Variants in LIME1 observed in about 807,000 individuals in gnomAD.
The protein encoded by LIME1 is Lck interacting transmembrane adaptor 1.
LIME1 carries 23 observed loss-of-function variants against 18.8 expected under a neutral mutation model. The observed-to-expected ratio is 1.22, with a 90% CI of 0.88 to 1.73. The LOEUF is 1.73. Among genes scored for constraint, LIME1 ranks in the 40% most tolerant of loss-of-function variants. LIME1 has a pLI of 0.00. For missense variants in LIME1, 423 were observed against 396.8 expected (o/e 1.07, Z -0.56); for synonymous variants, 177 against 182.3 (o/e 0.97, Z 0.23).
chr20:63,735,815 C>G (rs767197865), upstream of LIME1: 5 of 1,611,236 alleles, frequency 3.1e-6, no homozygotes, highest in South Asian at 5.5e-5. Flanking sequence ...GCAGGAGAAG[C>G]TGGCAGGAGC....
At chr20:63,735,800 C>T (rs773725976), upstream of LIME1, 2 of 1,609,222 alleles carry the variant, frequency 1.2e-6, no homozygotes, top group Non-Finnish European at 1.7e-6. Context: ...GGCGTCAGCC[C>T]AGCTGCAGGA....
intron 1 of LIME1, 191 bp from the exon 2 acceptor site, chr20:63,737,342 C>T (rs2092002021): frequency 1.5e-6 from 2 of 1,323,440 alleles, no homozygotes; most frequent in Non-Finnish European, 9.6e-7. Flanking sequence ...TTCACCTCAC[C>T]GGGAGCCCCC....
chr20:63,737,632 G>A lies in LIME1; in HGVS notation c.83G>A (p.Cys28Tyr), dbSNP rs1182347204. Reference sequence around the variant, plus strand: ...CTGCTCCTCTCGCTGTGGGCGCTGTGCACAGCCTGCCGCAGGTAGGTCCCT... The same window carrying A: ...CTGCTCCTCTCGCTGTGGGCGCTGTACACAGCCTGCCGCAGGTAGGTCCCT... ...CALLLSLWAL[C>Y]TACRRPEDAV... is the part of the protein sequence containing the mutation. The change falls in exon 2 of 6, where the codon TGC (cysteine) becomes TAC (tyrosine). Residue 28 changes from cysteine (C) to tyrosine (Y), a missense_variant. Cys to Tyr is a radical substitution (Grantham distance 194). Coordinates refer to ENST00000309546, the MANE Select transcript of LIME1 (RefSeq NM_017806.4). 3.1e-6 allele frequency: 5 copies of A among 1,593,734 alleles called. No individual in the cohort carries two copies. Among genetic ancestry groups the A allele is most frequent in the Admixed American group, 3.5e-5 (2 of 57,514 alleles).
rs1404491241 is a variant in LIME1, at chr20:63,737,143, G to C, written c.-17-390G>C. 3.0e-6 allele frequency: 3 copies of C among 1,002,866 alleles called. No individual in the cohort carries two copies. The African/African-American group carries it at 5.2e-5, about 17-fold the overall frequency. 62.1% of individuals were successfully genotyped at this position (1,002,866 alleles called of 1,614,324 possible). The stretch of plus-strand genomic sequence containing the variant: ...CTTGGGGGCACTACCTGACACAGGA[G>C]ACCATGTCTGGGCAGAGGGTGGCTG... On this transcript the variant is annotated intron_variant, in intron 1 of 5. Coordinates refer to ENST00000309546, the MANE Select transcript of LIME1 (RefSeq NM_017806.4).
Position 63,738,026 on chromosome 20 carries a change from G to A in LIME1, c.234G>A (p.Leu78=), listed in dbSNP as rs976046885. 1.3e-6 allele frequency: 2 copies of A among 1,562,142 alleles called. No individual in the cohort carries two copies. Residue 78 remains leucine (L), a synonymous_variant, in exon 4 of 6, where the codon CTG becomes CTA. Transcript: ENST00000309546. Reference sequence around the variant, plus strand: ...CCCTCAGCAAGTCGGACACCAGACTGCACGAGCTGCACCGGGGCCCGCGCA... The same window carrying A: ...CCCTCAGCAAGTCGGACACCAGACTACACGAGCTGCACCGGGGCCCGCGCA... The part of the protein sequence containing the change: ...LCSLSKSDTR[L]HELHRGPRSS...
At chr20:63,737,770 TG>T in intron 2 of LIME1, 50 bp from the exon 3 acceptor site, 1 of 1,423,904 alleles carries the variant, frequency 7.0e-7, no homozygotes, top group Admixed American at 2.6e-5. Flanking sequence ...CACCGGGCCT[TG>T]GACCCGAGGC....
intron 1 of LIME1, chr20:63,737,306 G>A: frequency 9.5e-6 from 12 of 1,262,114 alleles, no homozygotes; most frequent in Non-Finnish European, 8.0e-6. Context: ...GCAGGGACAC[G>A]GAGGGGCCAG....
upstream of LIME1, chr20:63,735,924 C>T (rs2145710932): frequency 1.9e-6 from 3 of 1,608,896 alleles, no homozygotes; most frequent in East Asian, 2.2e-5. Context: ...TTCTAGAGAC[C>T]CCACAAGCAC....
At chr20:63,736,836 A>G (rs1308618022) in intron 1 of LIME1, 124 bp downstream of exon 1, 4 of 986,368 alleles carry the variant, frequency 4.1e-6, no homozygotes, top group Admixed American at 6.1e-5. Context: ...AACTCCAGAG[A>G]CCACCCCTCA....
rs771780099 is a variant in LIME1 at position 63,738,601 on chromosome 20, G to C, written c.589G>C (p.Asp197His). Residue 197 changes from aspartate (D) to histidine (H), a missense_variant, in exon 6 of 6, where the codon GAC (aspartate) becomes CAC (histidine). By Grantham distance (81) the Asp-to-His change is moderately conservative. Transcript: ENST00000309546. ...KTEVTPAAQVDVLYSRVCKPK... is the reference protein window; with the variant it reads ...KTEVTPAAQVHVLYSRVCKPK... Reference sequence around the variant, plus strand: ...CGGGTTGGCTTCCTGTCTCCAGGTGGACGTCCTGTACTCCAGGGTCTGCAA... The same window carrying C: ...CGGGTTGGCTTCCTGTCTCCAGGTGCACGTCCTGTACTCCAGGGTCTGCAA... The C allele has an allele frequency of 2.6e-6, 4 of 1,549,118 alleles. No homozygotes were observed. The highest frequency in any genetic ancestry group is 2.7e-5 in the African/African-American group (2 of 72,928).
chr20:63,736,610 G>T (rs1449224301), upstream of LIME1: 2 of 986,756 alleles, frequency 2.0e-6, no homozygotes, highest in Non-Finnish European at 2.4e-6. Flanking sequence ...GGCGCTTGGC[G>T]ACAGGAGCAG....
upstream of LIME1, chr20:63,735,860 G>T (rs946269173): frequency 7.4e-6 from 12 of 1,612,782 alleles, no homozygotes; most frequent in African/African-American, 1.3e-4. Flanking sequence ...GGCTCAGGAA[G>T]CCGGCCTGCA....
chr20:63,735,844 G>A (rs2091984710), upstream of LIME1: 5 of 1,612,576 alleles, frequency 3.1e-6, no homozygotes, highest in Non-Finnish European at 4.2e-6. Flanking sequence ...AGCTGGGGCA[G>A]CTCCGGGCTC....
rs2092022821 is a variant in LIME1, at chr20:63,738,621, C to G, written c.609C>G (p.Val203=). The change falls in exon 6 of 6, where the codon GTC becomes GTG. Residue 203 remains valine, a synonymous_variant. Coordinates refer to ENST00000309546, the MANE Select transcript of LIME1 (RefSeq NM_017806.4). ...AAQVDVLYSR[V]CKPKRRDPGP... is the part of the protein sequence containing the mutation. ...AGGTGGACGTCCTGTACTCCAGGGT[C>G]TGCAAGCCTAAAAGGAGGGACCCAG... 1 of 1,579,992 alleles carries G rather than the reference C, an allele frequency of 6.3e-7. No individual in the cohort carries two copies. Among genetic ancestry groups the G allele is most frequent in the Admixed American group, 1.8e-5 (1 of 54,470 alleles).
chr20:63,738,810 G>GA lies in LIME1; in HGVS notation c.799dup (p.Ser267LysfsTer42), dbSNP rs2092024323. On this transcript the variant is annotated frameshift_variant, in exon 6 of 6. Transcript: ENST00000309546. LOFTEE classifies it low-confidence loss of function (END_TRUNC). ...GGGAGCTGGGGGACCCTGCTGGCAG[G>GA]AGCAGCACGTGCGGGGCTGGGACGC... The GA allele has an allele frequency of 7.4e-6, 12 of 1,612,408 alleles. No individual in the cohort carries two copies. Among genetic ancestry groups the GA allele is most frequent in the African/African-American group, 2.7e-5 (2 of 74,944 alleles).
chr20:63,736,869 G>T (rs1489994557), intron 1 of LIME1, 157 bp downstream of exon 1: 1 of 986,790 alleles, frequency 1.0e-6, no homozygotes. Context: ...TGTCTCTGCT[G>T]CTGGACTGTG....
upstream of LIME1, chr20:63,736,013 C>A (rs1005235630): frequency 2.0e-6 from 3 of 1,529,002 alleles, no homozygotes; most frequent in Non-Finnish European, 1.8e-6. Flanking sequence ...GGCCTGCTGG[C>A]CTGGGGCGTG....
rs1452414640 is a variant in LIME1 at position 63,736,700 on chromosome 20, G to A, written c.-30G>A. ...GCCCCAGACAGAGCTGAGGACCCCT[G>A]GCCGTGGGCTTGGTAAGTGCCCTCC... On this transcript the variant is annotated 5_prime_UTR_variant, in exon 1 of 6. Transcript: ENST00000309546. 3.0e-6 allele frequency: 3 copies of A among 985,682 alleles called. No individual in the cohort carries two copies. Among genetic ancestry groups the A allele is most frequent in the Non-Finnish European group, 3.6e-6 (3 of 830,110 alleles). 61.1% of individuals were successfully genotyped at this position (985,682 alleles called of 1,614,324 possible).
upstream of LIME1, chr20:63,736,522 A>G (rs2091991745): frequency 1.4e-6 from 1 of 700,120 alleles, no homozygotes; most frequent in Admixed American, 6.2e-5. Flanking sequence ...CACACGTTTC[A>G]TCTAGGCTTC....
Sources: allele counts gnomAD v4.1 joint callset, GRCh38; gene constraint gnomAD v4.1.1; transcripts MANE v1.5; gene names NCBI Gene and HGNC (gene_info 2026-07-23, HGNC 2026-07-21).